Variants in PRIM2 observed in about 807,000 individuals in gnomAD.
PRIM2 encodes DNA primase subunit 2.
In PRIM2, 39 loss-of-function variants were observed where a neutral mutation model predicts 67.3. The observed-to-expected ratio is 0.58, with a 90% confidence interval of 0.45 to 0.76. The LOEUF (loss-of-function observed/expected upper bound fraction) is 0.76. Ranked by LOEUF, PRIM2 falls within the 30% of genes least tolerant of loss-of-function variation. The pLI, the probability that PRIM2 is intolerant of heterozygous loss-of-function variation, is 0.00. For missense variants in PRIM2, 398 were observed against 598.7 expected (o/e 0.66, Z 3.50); for synonymous variants, 143 against 198.7 (o/e 0.72, Z 2.36).
chr6:57,336,573 G>T (rs1409153039), intron 5 of PRIM2, among the ~76,000 whole-genome samples: 2 of 152,054 alleles, frequency 1.3e-5, no homozygotes, highest in Admixed American at 1.3e-4. Flanking sequence ...TTAAAGAAAA[G>T]AATTTTCAAC....
the PRIM2 span, among the ~76,000 whole-genome samples, chr6:57,253,176 A>G: frequency 1.4e-5 from 2 of 139,128 alleles, no homozygotes; most frequent in Admixed American, 1.5e-4. Context: ...ATTTCCTAAG[A>G]AAAACAACAT....
chr6:57,410,653 T>TTC lies in PRIM2; in HGVS notation c.693+28487_693+28488dup, dbSNP rs1485912629. Among the ~76,000 whole-genome samples, 8 of 152,042 alleles carry TTC rather than the reference T, an allele frequency of 5.3e-5. 1 individual carries two copies. The highest frequency in any genetic ancestry group is 1.3e-4 in the Admixed American group (2 of 15,278). ...GCCTCTTGGTAGATTATTTGGTATATTCTACATAGATGTCTATGTTGTCTG... is the reference window on the plus strand; with the variant it reads ...GCCTCTTGGTAGATTATTTGGTATATTCTCTACATAGATGTCTATGTTGTCTG... On this transcript the variant is annotated intron_variant, in intron 7 of 13. Transcript: ENST00000615550.
chr6:57,314,240 C>T (rs559980857), upstream of PRIM2, among the ~76,000 whole-genome samples: 13 of 152,222 alleles, frequency 8.5e-5, no homozygotes, highest in African/African-American at 1.4e-4. Context: ...ATGGGCTGGG[C>T]GCAGTGGCTC....
intron 5 of PRIM2, among the ~76,000 whole-genome samples, chr6:57,340,560 C>T (rs62418096): frequency 6.9e-6 from 1 of 145,764 alleles, no homozygotes; most frequent in Non-Finnish European, 1.5e-5. Context: ...TTTGTAGGGA[C>T]ATGGATGAAA....
intron 7 of PRIM2, among the ~76,000 whole-genome samples, chr6:57,428,358 C>G (rs1196818070): frequency 6.6e-6 from 1 of 152,140 alleles, no homozygotes; most frequent in East Asian, 1.9e-4. Context: ...GAGATTAAAA[C>G]TAACAAACAG....
chr6:57,607,541 A>C (rs1315971386), intron 12 of PRIM2, among the ~76,000 whole-genome samples: 263 of 152,320 alleles, frequency 1.7e-3, no homozygotes, highest in Non-Finnish European at 2.2e-3. Context: ...GAGAATGCAC[A>C]AATGAAAGAC....
In PRIM2 at chr6:57,413,756, A is replaced by G. The variant is rs373230079; in HGVS notation, c.693+31588A>G. The stretch of plus-strand genomic sequence containing the variant: ...TATGAATTAACATTAAAAAATCATC[A>G]AAGTGTCAAATATTCCAATATATTA... On this transcript the variant is annotated intron_variant, in intron 7 of 13. Transcript: ENST00000615550. Among the ~76,000 whole-genome samples the G allele has an allele frequency of 2.2e-4, 33 of 152,266 alleles. 1 individual carries two copies. The East Asian group carries it at 5.4e-3, about 25-fold the overall frequency.
chr6:57,289,690 A>T, the PRIM2 span, among the ~76,000 whole-genome samples: 1 of 152,202 alleles, frequency 6.6e-6, no homozygotes, highest in African/African-American at 2.4e-5. Context: ...CCAGAATTTC[A>T]TATCCAGCCA....
intron 3 of PRIM2, among the ~76,000 whole-genome samples, chr6:57,321,655 C>T (rs1767662744): frequency 6.6e-6 from 1 of 151,966 alleles, no homozygotes; most frequent in Non-Finnish European, 1.5e-5. Context: ...TAATAATGAT[C>T]ATGATATTAA....
chr6:57,291,210 T>G, the PRIM2 span, among the ~76,000 whole-genome samples: 1 of 152,262 alleles, frequency 6.6e-6, no homozygotes, highest in South Asian at 2.1e-4. Context: ...CATCAGAGAA[T>G]ACTATAAACA....
intron 12 of PRIM2, among the ~76,000 whole-genome samples, chr6:57,618,813 C>T (rs1457511086): frequency 6.6e-6 from 1 of 151,498 alleles, no homozygotes; most frequent in Non-Finnish European, 1.5e-5. Flanking sequence ...CATAGCCCCA[C>T]CCCCACCTGA....
chr6:57,311,581 A>G (rs1293939529), upstream of PRIM2, among the ~76,000 whole-genome samples: 4 of 151,954 alleles, frequency 2.6e-5, no homozygotes, highest in East Asian at 7.8e-4. Flanking sequence ...TACATCCCAG[A>G]CGATGGGTGG....
chr6:57,392,889 C>T (rs76711262), intron 7 of PRIM2, among the ~76,000 whole-genome samples: 5 of 149,072 alleles, frequency 3.4e-5, no homozygotes, highest in South Asian at 4.2e-4. Context: ...TGAGAACTTA[C>T]GACGTTTGGT....
At chr6:57,615,112 A>G (rs1776731589) in intron 12 of PRIM2, among the ~76,000 whole-genome samples, 2 of 152,144 alleles carry the variant, frequency 1.3e-5, no homozygotes, top group Admixed American at 1.3e-4. Context: ...AGAAATATTT[A>G]TATTTTGAGA....
chr6:57,646,166 T>C lies in PRIM2; in HGVS notation c.*8T>C. 1.9e-6 allele frequency: 3 copies of C among 1,575,144 alleles called. No homozygotes were observed. The highest frequency in any genetic ancestry group is 1.1e-5 in the South Asian group (1 of 89,550). The stretch of plus-strand genomic sequence containing the variant: ...TTTAGTGAAGATTCTTAGGCAGTTT[T>C]ATAACCCTTTTTCCTCAATAGCCTG... On this transcript the variant is annotated 3_prime_UTR_variant, in exon 14 of 14. Transcript: ENST00000615550.
At chr6:57,481,697 A>G (rs1314271069) in intron 7 of PRIM2, among the ~76,000 whole-genome samples, 2 of 152,108 alleles carry the variant, frequency 1.3e-5, no homozygotes, top group East Asian at 1.9e-4. Flanking sequence ...GAGTGACTAT[A>G]CTATTTCACA....
intron 13 of PRIM2, among the ~76,000 whole-genome samples, chr6:57,636,941 C>G (rs1777132801): frequency 2.0e-5 from 3 of 152,160 alleles, no homozygotes. Flanking sequence ...GGGTCCCTGA[C>G]CACCATGTCT....
intron 7 of PRIM2, among the ~76,000 whole-genome samples, chr6:57,402,035 G>C (rs2894849): frequency 2.0e-5 from 3 of 152,186 alleles, no homozygotes; most frequent in Non-Finnish European, 2.9e-5. Flanking sequence ...TATCTGGCAG[G>C]GGGTGGCTGG....
chr6:57,580,438 T>G (rs1776060216), intron 10 of PRIM2, among the ~76,000 whole-genome samples: 1 of 152,230 alleles, frequency 6.6e-6, no homozygotes, highest in Admixed American at 6.5e-5. Flanking sequence ...ATATGGGTTT[T>G]GTATGACATG....
Sources: allele counts gnomAD v4.1 joint callset (sites outside exome capture counted in the v4.1 genomes callset), GRCh38; gene constraint gnomAD v4.1.1; transcripts MANE v1.5; gene names NCBI Gene and HGNC (gene_info 2026-07-23, HGNC 2026-07-21).